UTRN: variants seen among roughly 807,000 people sequenced by gnomAD.
The protein encoded by UTRN is dystrophin-related protein 1.
Under a neutral mutation model 463.9 loss-of-function variants are expected in UTRN, and 283 were observed. The observed-to-expected ratio is 0.61, with a 90% CI of 0.55 to 0.67. UTRN has a LOEUF of 0.67. Ranked by LOEUF, UTRN falls within the 30% of genes least tolerant of loss-of-function variation. UTRN has a pLI of 0.00. For synonymous variants in UTRN, 1,442 were observed against 1,431.5 expected, an observed-to-expected ratio of 1.01 and a Z score of -0.17; for missense variants, 3,922 against 4,084.3, an observed-to-expected ratio of 0.96 and a Z score of 1.08.
intron 2 of UTRN, 141 bp from the exon 3 acceptor site, chr6:144,402,982 T>TG: frequency 4.2e-6 from 3 of 720,874 alleles, no homozygotes; most frequent in Non-Finnish European, 7.1e-6. Context: ...CATTCTGCAT[T>TG]AGCTCCGCCT....
chr6:144,454,931 T>C (rs1788671160), intron 19 of UTRN, among the ~76,000 whole-genome samples: 1 of 152,176 alleles, frequency 6.6e-6, no homozygotes, highest in Admixed American at 6.5e-5. Context: ...TTTCCAGAAA[T>C]TTCTCTTTTG....
chr6:144,720,419 A>C (rs1232115719), intron 53 of UTRN, among the ~76,000 whole-genome samples: 1 of 152,248 alleles, frequency 6.6e-6, no homozygotes, highest in African/African-American at 2.4e-5. Context: ...GAGGCACACC[A>C]GTAGCATCCA....
intron 2 of UTRN, among the ~76,000 whole-genome samples, chr6:144,335,031 G>A (rs1776616210): frequency 2.0e-5 from 3 of 152,322 alleles, no homozygotes; most frequent in African/African-American, 7.2e-5. Flanking sequence ...AGGAACATCC[G>A]TAGTTCCAGT....
chr6:144,452,295 A>G (rs1315617597), intron 18 of UTRN, among the ~76,000 whole-genome samples: 2 of 152,214 alleles, frequency 1.3e-5, no homozygotes, highest in Non-Finnish European at 2.9e-5. Flanking sequence ...GTGAAAATCA[A>G]AGTAGGATAG....
chr6:144,592,161 T>C lies in UTRN; in HGVS notation c.7479+14873T>C, dbSNP rs76444899. Among the ~76,000 whole-genome samples, 309 of 152,254 alleles carry C rather than the reference T, an allele frequency of 2.0e-3. 10 individuals carry two copies. In the East Asian group the frequency reaches 0.047, roughly 23 times the overall value. ...ATATTGTGACTTTTTTAAAACAATG[T>C]AAATAAAATTCTATTGAGTGGCTGC... On this transcript the variant is annotated intron_variant, in intron 51 of 74. Transcript: ENST00000367545.
intron 54 of UTRN, among the ~76,000 whole-genome samples, chr6:144,733,569 A>G (rs906578714): frequency 1.3e-5 from 2 of 151,216 alleles, no homozygotes; most frequent in Non-Finnish European, 2.9e-5. Context: ...CAAATTTTTT[A>G]CTACCATTTT....
At chr6:144,571,060 G>T (rs1032355600) in intron 50 of UTRN, among the ~76,000 whole-genome samples, 2 of 152,082 alleles carry the variant, frequency 1.3e-5, no homozygotes, top group Admixed American at 6.6e-5. Context: ...GGAAATGAAG[G>T]TGTTTGACCT....
At chr6:144,358,159 G>T (rs1444988047) in intron 2 of UTRN, among the ~76,000 whole-genome samples, 1 of 152,154 alleles carries the variant, frequency 6.6e-6, no homozygotes, top group South Asian at 2.1e-4. Flanking sequence ...TTTAAGAAAC[G>T]TTCAGTAAAT....
At chr6:144,640,828 G>A (rs750373346) in intron 51 of UTRN, among the ~76,000 whole-genome samples, 9 of 152,106 alleles carry the variant, frequency 5.9e-5, no homozygotes, top group Non-Finnish European at 1.3e-4. Flanking sequence ...AATTTTTGTA[G>A]TTGAAATAGT....
At chr6:144,663,928 C>G (rs754810779) in intron 51 of UTRN, among the ~76,000 whole-genome samples, 1 of 152,134 alleles carries the variant, frequency 6.6e-6, no homozygotes. Context: ...CATTTATTCC[C>G]TACTTAGCAA....
chr6:144,704,052 G>C (rs111983410), intron 53 of UTRN, among the ~76,000 whole-genome samples: 4 of 152,292 alleles, frequency 2.6e-5, no homozygotes, highest in African/African-American at 9.6e-5. Flanking sequence ...GCAATCCATT[G>C]CACAAGTGGA....
intron 19 of UTRN, among the ~76,000 whole-genome samples, chr6:144,458,104 T>C (rs1447801965): frequency 1.3e-5 from 2 of 152,216 alleles, no homozygotes; most frequent in Admixed American, 1.3e-4. Flanking sequence ...ATTTCAGTAA[T>C]AAAAATGGTG....
At chr6:144,776,955 A>G (rs890406426) in intron 60 of UTRN, among the ~76,000 whole-genome samples, 1 of 152,116 alleles carries the variant, frequency 6.6e-6, no homozygotes, top group Non-Finnish European at 1.5e-5. Context: ...ATGGCTCCTC[A>G]TAGAACTGTT....
chr6:144,519,335 C>T (rs1475585520), intron 39 of UTRN, among the ~76,000 whole-genome samples: 1 of 152,070 alleles, frequency 6.6e-6, no homozygotes, highest in Non-Finnish European at 1.5e-5. Context: ...TTTTCATCCT[C>T]CAGAAAGTTG....
At chr6:144,840,903 T>A in intron 73 of UTRN, 71 bp downstream of exon 73, 2 of 1,512,396 alleles carry the variant, frequency 1.3e-6, no homozygotes, top group South Asian at 2.3e-5. Context: ...CATGCGGCCC[T>A]TCGCCTTCTT....
chr6:144,537,537 T>C, intron 43 of UTRN, 45 bp from the exon 44 acceptor site: 1 of 1,422,812 alleles, frequency 7.0e-7, no homozygotes, highest in Non-Finnish European at 9.2e-7. Flanking sequence ...TTCTGCTTAA[T>C]TGGACAGTTT....
In UTRN at chr6:144,557,242, G is replaced by C; in HGVS notation, c.7220G>C (p.Ser2407Thr). The C allele has an allele frequency of 6.2e-7, 1 of 1,613,968 alleles. No individual in the cohort carries two copies. The highest frequency in any genetic ancestry group is 8.5e-7 in the Non-Finnish European group (1 of 1,179,896). Residue 2407 changes from serine to threonine, a missense_variant, in exon 50 of 75, where the codon AGT becomes ACT. Physicochemically the swap from Ser to Thr is moderately conservative, Grantham distance 58. This residue lies in a region of UTRN where 1,309 missense variants were observed against 1,452.6 expected (regional missense o/e 0.90). Transcript: ENST00000367545. Reference sequence around the variant, plus strand: ...CAGAAACTCCTGGAGGAATATGGGAGTGATGACACAAGGAATGTGAAAGAA... The same window carrying C: ...CAGAAACTCCTGGAGGAATATGGGACTGATGACACAAGGAATGTGAAAGAA... ...VLQKLLEEYG[S>T]DDTRNVKETT... is the part of the protein sequence containing the mutation.
intron 47 of UTRN, among the ~76,000 whole-genome samples, chr6:144,550,476 T>A (rs943404947): frequency 3.3e-5 from 5 of 152,136 alleles, no homozygotes; most frequent in Non-Finnish European, 4.4e-5. Context: ...ACAGCAGCAG[T>A]TTTTCGTGTC....
Position 144,544,702 on chromosome 6 carries a change from GAA to G in UTRN, c.6595+1841_6595+1842del, listed in dbSNP as rs35142302. Among the ~76,000 whole-genome samples, 3 of 147,232 alleles carry G rather than the reference GAA, an allele frequency of 2.0e-5. No homozygotes were observed. In the South Asian group the frequency reaches 6.4e-4, roughly 32 times the overall value. Reference sequence around the variant, plus strand: ...TAGTGACCTCATCTCATTTTCAAAAGAAAAAAAAAACCTTTTTCGTTTTCCCA... The same window carrying G: ...TAGTGACCTCATCTCATTTTCAAAAGAAAAAAAACCTTTTTCGTTTTCCCA... On this transcript the variant is annotated intron_variant, in intron 46 of 74. Coordinates refer to ENST00000367545, the MANE Select transcript of UTRN (RefSeq NM_007124.3).
Sources: gnomAD v4.1 joint callset for allele counts (sites outside exome capture counted in the v4.1 genomes callset) on GRCh38, gnomAD v4.1.1 for gene constraint, gnomAD v4.1.1 regional missense constraint, MANE v1.5 for transcripts, NCBI Gene and HGNC (gene_info 2026-07-23, HGNC 2026-07-21) for gene names.